Variants in CCDC149 observed in about 807,000 individuals in gnomAD.
The protein encoded by CCDC149 is coiled-coil domain containing 149.
A neutral mutation model predicts 59.9 loss-of-function variants in CCDC149; 45 were observed. That is an observed-to-expected ratio of 0.75 (90% confidence interval 0.59 to 0.96). The LOEUF (loss-of-function observed/expected upper bound fraction) is 0.96. Among genes scored for constraint, CCDC149 ranks in the 40% least tolerant of loss-of-function variants. The pLI is 0.00. For missense variants in CCDC149, 584 were observed against 664.7 expected (o/e 0.88, Z 1.33); for synonymous variants, 245 against 260.6 (o/e 0.94, Z 0.58).
intron 1 of CCDC149, among the ~76,000 whole-genome samples, chr4:24,921,066 G>A (rs1336957612): frequency 6.6e-6 from 1 of 152,200 alleles, no homozygotes; most frequent in Non-Finnish European, 1.5e-5. Flanking sequence ...TAAACTCCTT[G>A]AGAGCAGGGA....
intron 4 of CCDC149, among the ~76,000 whole-genome samples, chr4:24,843,415 C>A (rs144878822): frequency 2.2e-3 from 335 of 152,242 alleles, no homozygotes; most frequent in African/African-American, 7.7e-3. Context: ...CAAGACCCTG[C>A]CTATTATTTC....
rs533544617 is a variant in CCDC149 at position 24,925,555 on chromosome 4, A to C, written c.-64-30437T>G. ...TGTATCAATGCATAATCAACTTTAT[A>C]GACAAAAATCACACTTACAAATCTC... is the stretch of plus-strand genomic sequence containing the variant. On this transcript the variant is annotated intron_variant, in intron 1 of 12. Coordinates refer to the CCDC149 transcript ENST00000389609. Among the ~76,000 whole-genome samples the C allele has an allele frequency of 2.0e-5, 3 of 152,324 alleles. No homozygotes were observed. In the South Asian group the frequency reaches 6.2e-4, roughly 32 times the overall value.
intron 2 of CCDC149, among the ~76,000 whole-genome samples, chr4:24,875,203 G>A (rs186966836): frequency 0.016 from 2,507 of 152,052 alleles, 22 homozygotes; most frequent in Middle Eastern, 0.027. Context: ...GGTGGCAGGC[G>A]CCTGTAGTCC....
rs1723738328 is a variant in CCDC149 at position 24,964,373 on chromosome 4, G to C, written c.-65+15696C>G. Among the ~76,000 whole-genome samples, 3 of 152,072 alleles carry C rather than the reference G, an allele frequency of 2.0e-5. No homozygotes were observed. In the South Asian group the frequency reaches 6.2e-4, roughly 31 times the overall value. On this transcript the variant is annotated intron_variant, in intron 1 of 12. Transcript: ENST00000389609. Reference sequence around the variant, plus strand: ...GGACAAAAAATAAACTGACAAAAATGAACAGAACCAACTGTGTTCCTGGCT... The same window carrying C: ...GGACAAAAAATAAACTGACAAAAATCAACAGAACCAACTGTGTTCCTGGCT...
rs1401812545 is a variant in CCDC149 at position 24,853,146 on chromosome 4, C to A, written c.298G>T (p.Asp100Tyr). ...TCTTCTCCCAGATGTTTATTTCGGT[C>A]CTGAGAATCTCTCAATAGTTGTGCA... The change falls in exon 4 of 13, where the codon GAC (aspartate) becomes TAC (tyrosine). Residue 100 changes from aspartate (D) to tyrosine (Y), a missense_variant. Coordinates refer to ENST00000635206, the MANE Select transcript of CCDC149 (RefSeq NM_001330643.2). The A allele has an allele frequency of 6.2e-7, 1 of 1,613,490 alleles. No homozygotes were observed. The highest frequency in any genetic ancestry group is 8.5e-7 in the Non-Finnish European group (1 of 1,179,542).
At chr4:24,912,705 G>C in intron 1 of CCDC149, 112 bp downstream of exon 1, 1 of 717,640 alleles carries the variant, frequency 1.4e-6, no homozygotes, top group Non-Finnish European at 1.8e-6. Flanking sequence ...CGGCCACTTG[G>C]AGTGCGCGCC....
chr4:24,971,444 T>C lies in CCDC149; in HGVS notation c.-65+8625A>G, dbSNP rs117681256. On this transcript the variant is annotated intron_variant, in intron 1 of 12. Transcript: ENST00000389609. ...TGATTCAGCAGGTTAGGAGTGCAGG[T>C]GCACAACCCTGCACATTATGCAACC... is the stretch of plus-strand genomic sequence containing the variant. 3.3e-4 allele frequency among the ~76,000 whole-genome samples: 50 copies of C among 152,346 alleles called. No homozygotes were observed. The East Asian group carries it at 9.1e-3, about 28-fold the overall frequency.
chr4:24,819,736 G>A (rs2109103727), intron 12 of CCDC149, 123 bp downstream of exon 12: 1 of 760,624 alleles, frequency 1.3e-6, no homozygotes, highest in Non-Finnish European at 2.3e-6. Flanking sequence ...GAAATCTGAG[G>A]AATGTCCCAA....
At chr4:24,937,174 T>C (rs1201406648) in intron 1 of CCDC149, among the ~76,000 whole-genome samples, 1 of 152,198 alleles carries the variant, frequency 6.6e-6, no homozygotes, top group African/African-American at 2.4e-5. Context: ...AACCACAGAA[T>C]TGATAAAAAT....
intron 1 of CCDC149, among the ~76,000 whole-genome samples, chr4:24,934,294 G>C (rs1346906759): frequency 1.6e-4 from 24 of 152,170 alleles, no homozygotes; most frequent in Admixed American, 1.6e-3. Flanking sequence ...AAATGTGATA[G>C]TTTTATAAAG....
At chr4:24,951,533 T>G (rs1723292548) in intron 1 of CCDC149, among the ~76,000 whole-genome samples, 1 of 152,094 alleles carries the variant, frequency 6.6e-6, no homozygotes, top group Non-Finnish European at 1.5e-5. Flanking sequence ...AAAATTAGCA[T>G]TATTATAGCT....
intron 1 of CCDC149, among the ~76,000 whole-genome samples, chr4:24,976,981 A>G (rs1724227553): frequency 6.6e-6 from 1 of 152,168 alleles, no homozygotes; most frequent in South Asian, 2.1e-4. Flanking sequence ...ATCAGGAAAA[A>G]ACAAACAAAC....
chr4:24,975,555 G>GGAGAGGAGAGGGGAGGGGAA (rs374392282), intron 1 of CCDC149, among the ~76,000 whole-genome samples: 1 of 146,174 alleles, frequency 6.8e-6, no homozygotes, highest in Admixed American at 6.8e-5. Context: ...AAAGATGAAA[G>GGAGAGGAGAGGGGAGGGGAA]GAGAGGAGAG....
At chr4:24,962,081 C>G (rs1323262940) in intron 1 of CCDC149, among the ~76,000 whole-genome samples, 3 of 151,230 alleles carry the variant, frequency 2.0e-5, no homozygotes. Context: ...GGCTAATATC[C>G]AGAATCTACA....
intron 3 of CCDC149, among the ~76,000 whole-genome samples, chr4:24,854,005 G>A (rs545310397): frequency 2.4e-4 from 36 of 152,224 alleles, no homozygotes; most frequent in Admixed American, 2.0e-3. Flanking sequence ...TTGGGATCCA[G>A]GTCCCTCCGG....
chr4:24,955,975 T>G (rs1255715951), intron 1 of CCDC149, among the ~76,000 whole-genome samples: 3 of 152,154 alleles, frequency 2.0e-5, no homozygotes, highest in Non-Finnish European at 2.9e-5. Context: ...CAACCCCAAA[T>G]AGAGGAACAC....
chr4:24,956,296 C>A (rs1310805540), intron 1 of CCDC149, among the ~76,000 whole-genome samples: 1 of 152,014 alleles, frequency 6.6e-6, no homozygotes, highest in Non-Finnish European at 1.5e-5. Flanking sequence ...CCAACTCACC[C>A]TCTCAGTGAC....
At chr4:24,828,806 G>C (rs1023670395) in intron 9 of CCDC149, 3 of 152,104 alleles carry the variant, frequency 2.0e-5, no homozygotes, top group African/African-American at 7.2e-5. Flanking sequence ...AAAAAACCCA[G>C]AGGATGGCTC....
intron 1 of CCDC149, among the ~76,000 whole-genome samples, chr4:24,946,860 T>C (rs1162652368): frequency 6.6e-6 from 1 of 152,198 alleles, no homozygotes; most frequent in Non-Finnish European, 1.5e-5. Flanking sequence ...AGGTTTTTAA[T>C]ACACAATTAC....
Sources: gnomAD v4.1 joint callset for allele counts (sites outside exome capture counted in the v4.1 genomes callset) on GRCh38, gnomAD v4.1.1 for gene constraint, MANE v1.5 for transcripts, NCBI Gene and HGNC (gene_info 2026-07-23, HGNC 2026-07-21) for gene names.